Variants in DLG1 observed in about 807,000 individuals in gnomAD.
DLG1 encodes discs large MAGUK scaffold protein 1, also known as disks large homolog 1.
In DLG1, 42 loss-of-function variants were observed where a neutral mutation model predicts 123.4. The observed-to-expected ratio is 0.34, with a 90% CI of 0.27 to 0.44. The LOEUF is 0.44. Among genes scored for constraint, DLG1 ranks in the 20% least tolerant of loss-of-function variants. The pLI is 1.00. For missense variants in DLG1, 942 were observed against 1,082.6 expected (o/e 0.87, Z 1.82); for synonymous variants, 317 against 356.2 (o/e 0.89, Z 1.24).
chr3:197,053,958 G>A (rs971884489), intron 23 of DLG1, among the ~76,000 whole-genome samples: 8 of 151,776 alleles, frequency 5.3e-5, no homozygotes, highest in East Asian at 1.9e-4. Context: ...CAGGCGTGGC[G>A]GTGCATGTCT....
At chr3:197,163,927 A>G (rs185309634) in intron 5 of DLG1, among the ~76,000 whole-genome samples, 20 of 152,264 alleles carry the variant, frequency 1.3e-4, no homozygotes, top group Admixed American at 1.2e-3. Context: ...TAAATATTGC[A>G]TGATTCCACT....
intron 5 of DLG1, among the ~76,000 whole-genome samples, chr3:197,182,365 T>TAC (rs1383077756): frequency 6.6e-6 from 1 of 152,162 alleles, no homozygotes; most frequent in Non-Finnish European, 1.5e-5. Context: ...CCTCAATGCC[T>TAC]ACATAATGAC....
chr3:197,140,076 C>A (rs923981519), intron 8 of DLG1, 64 bp downstream of exon 8: 1 of 1,558,524 alleles, frequency 6.4e-7, no homozygotes, highest in Admixed American at 1.8e-5. Context: ...ATCCCTTATC[C>A]AGTCTGCTTC....
chr3:197,043,650 TTATA>T lies in DLG1; in HGVS notation c.*969_*972del, dbSNP rs993778800. 2 of 150,692 alleles carry T rather than the reference TTATA, an allele frequency of 1.3e-5. No individual in the cohort carries two copies. Among genetic ancestry groups the T allele is most frequent in the African/African-American group, 2.4e-5 (1 of 41,196 alleles). 9.3% of individuals were successfully genotyped at this position (150,692 alleles called of 1,614,324 possible). On this transcript the variant is annotated 3_prime_UTR_variant, in exon 25 of 25. Transcript: ENST00000667157. ...CCATAGTTACAGTTTAAAGAAAGTT[TTATA>T]TATATATTTATATATATTTTATTAT...
At chr3:197,118,894 C>A (rs1255826673) in intron 12 of DLG1, among the ~76,000 whole-genome samples, 4 of 152,084 alleles carry the variant, frequency 2.6e-5, no homozygotes. Flanking sequence ...ATCTTAGTAC[C>A]TAGGGAGGCA....
chr3:197,195,910 G>A (rs1722229541), intron 4 of DLG1, among the ~76,000 whole-genome samples: 1 of 151,504 alleles, frequency 6.6e-6, no homozygotes, highest in African/African-American at 2.4e-5. Context: ...AGTAAACTTA[G>A]AGGAAAAAAC....
rs1214148033 is a variant in DLG1 at position 197,043,404 on chromosome 3, CCA to C, written c.*1217_*1218del. On this transcript the variant is annotated 3_prime_UTR_variant, in exon 25 of 25. Transcript: ENST00000667157. The stretch of plus-strand genomic sequence containing the variant: ...CTTTGTAGAAAAGAGGAGAATATGC[CCA>C]CACTTTTACTTATAATCTAATTTCC... The C allele has an allele frequency of 6.6e-6, 1 of 151,990 alleles. No homozygotes were observed. The highest frequency in any genetic ancestry group is 1.5e-5 in the Non-Finnish European group (1 of 68,012). 9.4% of individuals were successfully genotyped at this position (151,990 alleles called of 1,614,324 possible).
chr3:197,277,537 T>G (rs1201005097), intron 4 of DLG1, among the ~76,000 whole-genome samples: 1 of 152,026 alleles, frequency 6.6e-6, no homozygotes, highest in Non-Finnish European at 1.5e-5. Flanking sequence ...GGCGGGGTTT[T>G]GCCATGTTGC....
chr3:197,257,879 CAAA>C (rs1337198895), intron 4 of DLG1, among the ~76,000 whole-genome samples: 1 of 152,174 alleles, frequency 6.6e-6, no homozygotes, highest in Non-Finnish European at 1.5e-5. Flanking sequence ...ACGAGCCTGA[CAAA>C]AATGACACTT....
At chr3:197,126,265 C>T (rs533104039) in intron 11 of DLG1, among the ~76,000 whole-genome samples, 57 of 151,818 alleles carry the variant, frequency 3.8e-4, no homozygotes, top group African/African-American at 1.3e-3. Flanking sequence ...CATCTGAGGT[C>T]GGGAGTTCGA....
chr3:197,046,875 AAAAC>A (rs1273293826), intron 24 of DLG1, among the ~76,000 whole-genome samples: 1 of 152,116 alleles, frequency 6.6e-6, no homozygotes, highest in African/African-American at 2.4e-5. Flanking sequence ...GGCTCAAAAA[AAAAC>A]AAAAGACAAA....
At chr3:197,242,158 T>TA (rs1399407104) in intron 4 of DLG1, among the ~76,000 whole-genome samples, 1 of 151,952 alleles carries the variant, frequency 6.6e-6, no homozygotes, top group Non-Finnish European at 1.5e-5. Context: ...TTCTATCAGA[T>TA]AAAGTGGACT....
intron 5 of DLG1, among the ~76,000 whole-genome samples, chr3:197,181,313 ATCTT>A (rs1318322663): frequency 6.6e-6 from 1 of 152,190 alleles, no homozygotes; most frequent in Non-Finnish European, 1.5e-5. Context: ...TTCAAAGTTA[ATCTT>A]TCTGTCAAAT....
chr3:197,117,197 T>C (rs1359756251), intron 12 of DLG1, among the ~76,000 whole-genome samples: 1 of 152,144 alleles, frequency 6.6e-6, no homozygotes, highest in African/African-American at 2.4e-5. Context: ...CAAGTGTTGA[T>C]GAGGATGTAA....
At chr3:197,078,186 C>T (rs1560506662) in intron 17 of DLG1, among the ~76,000 whole-genome samples, 1 of 149,954 alleles carries the variant, frequency 6.7e-6, no homozygotes, top group Non-Finnish European at 1.5e-5. Context: ...CAGTGGTGTG[C>T]GACTGTAGTC....
At chr3:197,199,649 T>C (rs1210942040) in intron 4 of DLG1, among the ~76,000 whole-genome samples, 8 of 152,188 alleles carry the variant, frequency 5.3e-5, no homozygotes, top group Non-Finnish European at 1.2e-4. Context: ...TTTGAGAAAG[T>C]ACTTCCAAGT....
intron 14 of DLG1, among the ~76,000 whole-genome samples, chr3:197,096,738 A>G (rs1760853601): frequency 6.6e-6 from 1 of 152,108 alleles, no homozygotes; most frequent in African/African-American, 2.4e-5. Flanking sequence ...TTGTTCTTCG[A>G]CATACTCTAT....
chr3:197,223,312 T>G (rs1277820962), intron 4 of DLG1, among the ~76,000 whole-genome samples: 1 of 152,152 alleles, frequency 6.6e-6, no homozygotes, highest in East Asian at 1.9e-4. Flanking sequence ...ATGCACACTC[T>G]CACTCTGACA....
At chr3:197,139,340 A>G (rs1386298546) in intron 8 of DLG1, among the ~76,000 whole-genome samples, 1 of 152,180 alleles carries the variant, frequency 6.6e-6, no homozygotes, top group African/African-American at 2.4e-5. Context: ...TAATTTTTAT[A>G]TCTATTTGAT....
Sources: allele counts gnomAD v4.1 joint callset (sites outside exome capture counted in the v4.1 genomes callset), GRCh38; gene constraint gnomAD v4.1.1; transcripts MANE v1.5; gene names NCBI Gene and HGNC (gene_info 2026-07-23, HGNC 2026-07-21).